The following TSHZ3 variants were observed in gnomAD, a reference collection of about 807,000 sequenced individuals.
TSHZ3 encodes teashirt homolog 3.
Under a neutral mutation model 64.5 loss-of-function variants are expected in TSHZ3, and 10 were observed. The ratio of observed to expected loss-of-function variants is 0.16; its 90% CI spans 0.10 to 0.26. The LOEUF (loss-of-function observed/expected upper bound fraction) is 0.26. TSHZ3 is among the 10% of genes least tolerant of loss of function. The pLI is 1.00. For missense variants in TSHZ3, 1,242 were observed against 1,421.7 expected (o/e 0.87, Z 2.03); for synonymous variants, 608 against 593.1 (o/e 1.03, Z -0.36).
At chr19:31,218,724 G>T (rs1975362929) in intron 4 of TSHZ3, among the ~76,000 whole-genome samples, 2 of 152,146 alleles carry the variant, frequency 1.3e-5, no homozygotes, top group African/African-American at 4.8e-5. Context: ...GAGCTAAAAA[G>T]AAATGAGCTA....
chr19:31,191,610 A>T (rs1599572291), intron 5 of TSHZ3, among the ~76,000 whole-genome samples: 1 of 152,176 alleles, frequency 6.6e-6, no homozygotes, highest in Admixed American at 6.6e-5. Context: ...TAATTTCAGC[A>T]CTTTGGCAGG....
At chr19:31,201,100 T>C (rs1242251084) in intron 5 of TSHZ3, among the ~76,000 whole-genome samples, 1 of 152,212 alleles carries the variant, frequency 6.6e-6, no homozygotes, top group Admixed American at 6.5e-5. Flanking sequence ...TGAATATTTA[T>C]GTAATAAATG....
At chr19:31,300,284 T>C (rs1976732205) in intron 1 of TSHZ3, among the ~76,000 whole-genome samples, 1 of 152,202 alleles carries the variant, frequency 6.6e-6, no homozygotes, top group Non-Finnish European at 1.5e-5. Flanking sequence ...TCTATTGAGA[T>C]AGATTAAAGA....
chr19:31,238,316 C>T (rs890743278), intron 3 of TSHZ3, among the ~76,000 whole-genome samples: 1 of 149,250 alleles, frequency 6.7e-6, no homozygotes, highest in East Asian at 2.0e-4. Flanking sequence ...AGAGCAATGG[C>T]ACAATCTTGG....
chr19:31,260,565 A>G (rs1339830228), intron 1 of TSHZ3, among the ~76,000 whole-genome samples: 1 of 152,186 alleles, frequency 6.6e-6, no homozygotes, highest in Non-Finnish European at 1.5e-5. Context: ...TTTTTAAAAC[A>G]TGTACTCATT....
intron 1 of TSHZ3, among the ~76,000 whole-genome samples, chr19:31,320,120 T>C (rs1021240251): frequency 6.6e-6 from 1 of 152,326 alleles, no homozygotes; most frequent in African/African-American, 2.4e-5. Context: ...AATATACATG[T>C]AGGTTCTTAA....
intron 5 of TSHZ3, among the ~76,000 whole-genome samples, chr19:31,194,799 C>T (rs1974960904): frequency 6.6e-6 from 1 of 152,146 alleles, no homozygotes; most frequent in African/African-American, 2.4e-5. Flanking sequence ...TTGAAAACAA[C>T]TATGATTAAT....
chr19:31,310,203 C>T (rs1916417377), intron 1 of TSHZ3, among the ~76,000 whole-genome samples: 1 of 152,134 alleles, frequency 6.6e-6, no homozygotes, highest in South Asian at 2.1e-4. Flanking sequence ...ATGTCTCTTC[C>T]CTACTCTGGT....
chr19:31,197,058 G>T (rs888085274), intron 5 of TSHZ3, among the ~76,000 whole-genome samples: 2 of 151,674 alleles, frequency 1.3e-5, no homozygotes, highest in African/African-American at 4.8e-5. Context: ...CCACATTCTG[G>T]GCCATAAAAT....
At chr19:31,150,771 C>A (rs79873167) in exon 7 of TSHZ3, among the ~76,000 whole-genome samples, 3 of 152,074 alleles carry the variant, frequency 2.0e-5, no homozygotes, top group African/African-American at 4.8e-5. Flanking sequence ...AAGGAATGGG[C>A]GTTGGGCACA....
At chr19:31,322,787 A>C (rs1372778667) in intron 1 of TSHZ3, among the ~76,000 whole-genome samples, 1 of 152,232 alleles carries the variant, frequency 6.6e-6, no homozygotes, top group South Asian at 2.1e-4. Flanking sequence ...TAAAGGAATG[A>C]GTGAATGAAT....
At position 31,277,009 on chromosome 19, in the gene TSHZ3, G is replaced by A. The variant is rs1298178736; in HGVS notation, c.2784C>T (p.Ser928=). 2 of 1,612,594 alleles carry A rather than the reference G, an allele frequency of 1.2e-6. No homozygotes were observed. Among genetic ancestry groups the A allele is most frequent in the Admixed American group, 3.3e-5 (2 of 59,964 alleles). ...SEGKYIMSDL[S]PQERMHISRF... is the part of the protein sequence containing the mutation. ...TGGAGATATGCATCCGCTCCTGGGG[G>A]CTCAGGTCTGACATGATGTACTTCC... Residue 928 remains serine, a synonymous_variant, in exon 2 of 2, where the codon AGC becomes AGT. Transcript: ENST00000240587. This position sits in a 1 kb window ranked among gnomAD's most constrained non-coding sequence, Gnocchi z 4.5.
intron 4 of TSHZ3, among the ~76,000 whole-genome samples, chr19:31,210,310 C>T (rs531496113): frequency 2.6e-5 from 4 of 152,208 alleles, no homozygotes; most frequent in South Asian, 2.1e-4. Context: ...GGGCTTTGCA[C>T]CTGTTTTTTT....
chr19:31,243,850 T>G (rs1208305678), intron 1 of TSHZ3, among the ~76,000 whole-genome samples: 1 of 152,164 alleles, frequency 6.6e-6, no homozygotes, highest in Non-Finnish European at 1.5e-5. Context: ...TGTAACAATA[T>G]CAAATCATGA....
chr19:31,201,446 A>T (rs932019202), intron 5 of TSHZ3, among the ~76,000 whole-genome samples: 2 of 152,264 alleles, frequency 1.3e-5, no homozygotes, highest in Non-Finnish European at 2.9e-5. Context: ...GCTAAAAAAA[A>T]TTCACTATGT....
At position 31,323,729 on chromosome 19, in the gene TSHZ3, TAG is replaced by T. The variant is rs1916844655; in HGVS notation, c.40+25449_40+25450del. Among the ~76,000 whole-genome samples, 7 of 151,932 alleles carry T rather than the reference TAG, an allele frequency of 4.6e-5. No homozygotes were observed. In the South Asian group the frequency reaches 1.5e-3, roughly 32 times the overall value. ...GGCTTCAGGTGCAGATACATCAGGG[TAG>T]ACCCACCACAGTCTCCCACACAGTC... On this transcript the variant is annotated intron_variant, in intron 1 of 1. Coordinates refer to ENST00000240587, the MANE Select transcript of TSHZ3 (RefSeq NM_020856.4).
chr19:31,250,341 G>T (rs1209980700), intron 1 of TSHZ3, among the ~76,000 whole-genome samples: 1 of 152,110 alleles, frequency 6.6e-6, no homozygotes, highest in African/African-American at 2.4e-5. Context: ...ACAAACGCTG[G>T]TGGATCTCCC....
chr19:31,241,085 T>C (rs1182276627), intron 3 of TSHZ3, among the ~76,000 whole-genome samples: 1 of 152,222 alleles, frequency 6.6e-6, no homozygotes, highest in Non-Finnish European at 1.5e-5. Context: ...TGATATTTGA[T>C]TGAACACTGC....
At chr19:31,181,284 C>T (rs1173886441) in intron 5 of TSHZ3, among the ~76,000 whole-genome samples, 1 of 152,110 alleles carries the variant, frequency 6.6e-6, no homozygotes, top group Non-Finnish European at 1.5e-5. Context: ...GGCTTCATGG[C>T]CTTTTCCTTA....
Sources: allele counts gnomAD v4.1 joint callset (sites outside exome capture counted in the v4.1 genomes callset), GRCh38; gene constraint gnomAD v4.1.1; non-coding constraint Gnocchi (gnomAD v3.1); transcripts MANE v1.5; gene names NCBI Gene and HGNC (gene_info 2026-07-23, HGNC 2026-07-21).